The following CDH1 variants were observed in gnomAD, a reference collection of about 807,000 sequenced individuals.
The protein encoded by CDH1 is cadherin-1.
CDH1 carries 35 observed loss-of-function variants against 84.5 expected under a neutral mutation model. That is an observed-to-expected ratio of 0.41 (90% CI 0.32 to 0.55). The LOEUF is 0.55. Among genes scored for constraint, CDH1 ranks in the 20% least tolerant of loss-of-function variants. CDH1 has a pLI of 0.19. For synonymous variants in CDH1, 417 were observed against 439.0 expected, an observed-to-expected ratio of 0.95 and a Z score of 0.63; for missense variants, 994 against 1,126.6, an observed-to-expected ratio of 0.88 and a Z score of 1.68.
chr16:68,810,226 G>A lies in CDH1; in HGVS notation c.717G>A (p.Gly239=), dbSNP rs749491453. 3 of 1,614,112 alleles carry A rather than the reference G, an allele frequency of 1.9e-6. No homozygotes were observed. Among genetic ancestry groups the A allele is most frequent in the Non-Finnish European group, 1.7e-6 (2 of 1,180,002 alleles). ...TLFSHAVSSN[G]NAVEDPMEIL... Reference sequence around the variant, plus strand: ...TCTCTCACGCTGTGTCATCCAACGGGAATGCAGTTGAGGATCCAATGGAGA... The same window carrying A: ...TCTCTCACGCTGTGTCATCCAACGGAAATGCAGTTGAGGATCCAATGGAGA... Residue 239 remains glycine, a synonymous_variant, in exon 6 of 16, where the codon GGG becomes GGA. Transcript: ENST00000261769.
intron 2 of CDH1, among the ~76,000 whole-genome samples, chr16:68,740,214 C>T (rs1159431389): frequency 6.6e-6 from 1 of 152,122 alleles, no homozygotes; most frequent in Non-Finnish European, 1.5e-5. Flanking sequence ...GAGGGAACAC[C>T]TCCACTGTGT....
intron 11 of CDH1, among the ~76,000 whole-genome samples, chr16:68,821,488 G>A (rs934676339): frequency 2.0e-5 from 3 of 147,090 alleles, no homozygotes; most frequent in South Asian, 2.1e-4. Flanking sequence ...AAAAAAAAGC[G>A]TATGTGAACT....
chr16:68,828,133 T>G (rs1961369275), intron 13 of CDH1, 41 bp from the exon 14 acceptor site: 4 of 1,612,472 alleles, frequency 2.5e-6, no homozygotes, highest in Non-Finnish European at 3.4e-6. Flanking sequence ...CTTCTTTATC[T>G]TTGGCTCTCA....
rs770669993 is a variant in CDH1, at chr16:68,833,544, C to T, written c.*45C>T. ...CCCCAGACCCATGTGCTGGGAAATG[C>T]AGAAATCACGTTGCTGGTGGTTTTT... On this transcript the variant is annotated 3_prime_UTR_variant, in exon 16 of 16. Transcript: ENST00000261769. 6.7e-7 allele frequency: 1 copy of T among 1,498,512 alleles called. No homozygotes were observed. The highest frequency in any genetic ancestry group is 1.7e-5 in the Admixed American group (1 of 59,858). The allele number at this position is 1,498,512 out of a possible 1,614,324, so 92.8% of individuals were successfully genotyped here. A position where few individuals can be genotyped will look rare whatever the true frequency, so the allele number is the denominator to read the frequency against.
chr16:68,749,655 C>T (rs1056163486), intron 2 of CDH1, among the ~76,000 whole-genome samples: 3 of 152,212 alleles, frequency 2.0e-5, no homozygotes, highest in Non-Finnish European at 2.9e-5. Flanking sequence ...TTTTCATCAT[C>T]CCCTACTGTG....
chr16:68,746,125 G>C (rs1962736056), intron 2 of CDH1, among the ~76,000 whole-genome samples: 1 of 152,170 alleles, frequency 6.6e-6, no homozygotes, highest in African/African-American at 2.4e-5. Flanking sequence ...CCTTGAATTT[G>C]ATGTTTTTAA....
chr16:68,772,889 T>C (rs1959619504), intron 2 of CDH1, among the ~76,000 whole-genome samples: 1 of 152,174 alleles, frequency 6.6e-6, no homozygotes, highest in Non-Finnish European at 1.5e-5. Context: ...ATTGTGTCAC[T>C]GGATTCCAGC....
chr16:68,804,329 G>T (rs2152128020), intron 3 of CDH1, among the ~76,000 whole-genome samples: 1 of 151,884 alleles, frequency 6.6e-6, no homozygotes, highest in East Asian at 1.9e-4. Flanking sequence ...TAGCCAGGAT[G>T]GTCTCGATCT....
At chr16:68,766,118 G>T (rs938068509) in intron 2 of CDH1, among the ~76,000 whole-genome samples, 1 of 152,090 alleles carries the variant, frequency 6.6e-6, no homozygotes, top group Non-Finnish European at 1.5e-5. Context: ...AATTAGCCGG[G>T]TGTGGTGGTG....
Position 68,833,487 on chromosome 16 carries a change from C to T in CDH1, c.2637C>T (p.Gly879=), listed in dbSNP as rs141001592. The change falls in exon 16 of 16, where the codon GGC becomes GGT. Residue 879 remains glycine (G), a synonymous_variant. Transcript: ENST00000261769. ...FKKLADMYGG[G]EDD ...AGCTGGCTGACATGTACGGAGGCGG[C>T]GAGGACGACTAGGGGACTCGAGAGA... 3.9e-5 allele frequency: 63 copies of T among 1,613,438 alleles called. No individual in the cohort carries two copies. Among genetic ancestry groups the T allele is most frequent in the African/African-American group, 9.3e-5 (7 of 74,870 alleles).
chr16:68,832,401 A>C (rs147262263), intron 15 of CDH1, among the ~76,000 whole-genome samples: 2,639 of 151,788 alleles, frequency 0.017, 49 homozygotes, highest in Admixed American at 0.039. Context: ...GCTTGAACCC[A>C]GGAGGTGGAG....
intron 14 of CDH1, among the ~76,000 whole-genome samples, 159 bp downstream of exon 14, chr16:68,828,463 A>G (rs1425478001): frequency 6.6e-6 from 1 of 152,182 alleles, no homozygotes; most frequent in Admixed American, 6.5e-5. Context: ...GACCATCATC[A>G]TCATCACATC....
chr16:68,755,538 G>C (rs1340393413), intron 2 of CDH1, among the ~76,000 whole-genome samples: 2 of 151,268 alleles, frequency 1.3e-5, no homozygotes, highest in East Asian at 2.0e-4. Flanking sequence ...GAGCCACCAT[G>C]CCCGGCCAGG....
chr16:68,772,120 A>G (rs1179245646), intron 2 of CDH1, among the ~76,000 whole-genome samples: 3 of 152,182 alleles, frequency 2.0e-5, no homozygotes, highest in Non-Finnish European at 4.4e-5. Context: ...ACTTAATGCT[A>G]CACTGGGACC....
chr16:68,737,567 A>C, intron 1 of CDH1, 104 bp downstream of exon 1: 3 of 1,055,670 alleles, frequency 2.8e-6, no homozygotes, highest in Non-Finnish European at 4.2e-6. Flanking sequence ...CCCTTCTTCC[A>C]AGAAAGTTCG....
intron 3 of CDH1, 22 bp from the exon 4 acceptor site, chr16:68,808,402 T>C (rs775064774): frequency 1.2e-6 from 2 of 1,614,052 alleles, no homozygotes; most frequent in Non-Finnish European, 1.7e-6. Flanking sequence ...CTTATCTTGT[T>C]CCTCATCTTC....
intron 2 of CDH1, among the ~76,000 whole-genome samples, chr16:68,743,123 G>A (rs2152115641): frequency 6.6e-6 from 1 of 152,240 alleles, no homozygotes; most frequent in African/African-American, 2.4e-5. Context: ...TTTATTGGGT[G>A]AGGCTTTTCT....
intron 15 of CDH1, 73 bp from the exon 16 acceptor site, chr16:68,833,217 C>G (rs1405826543): frequency 7.5e-6 from 10 of 1,342,028 alleles, no homozygotes; most frequent in Non-Finnish European, 9.6e-6. Flanking sequence ...TTACATATTG[C>G]TAGACTTCTT....
chr16:68,789,747 T>G (rs1358918251), intron 2 of CDH1, among the ~76,000 whole-genome samples: 1 of 152,138 alleles, frequency 6.6e-6, no homozygotes, highest in Non-Finnish European at 1.5e-5. Context: ...GCAGGGGCCC[T>G]GGCTGAGTAT....
Sources: allele counts gnomAD v4.1 joint callset (sites outside exome capture counted in the v4.1 genomes callset), GRCh38; gene constraint gnomAD v4.1.1; transcripts MANE v1.5; gene names NCBI Gene and HGNC (gene_info 2026-07-23, HGNC 2026-07-21).